PYHIN1: variants seen among roughly 807,000 people sequenced by gnomAD.
PYHIN1 encodes the protein pyrin and HIN domain family member 1, also known as pyrin and HIN domain-containing protein 1.
In PYHIN1, 32 loss-of-function variants were observed where a neutral mutation model predicts 43.7. The ratio of observed to expected loss-of-function variants is 0.73; its 90% confidence interval spans 0.55 to 0.98. PYHIN1 has a LOEUF of 0.98. PYHIN1 is among the 50% of genes least tolerant of loss of function. The pLI is 0.00. For synonymous variants in PYHIN1, 205 were observed against 203.1 expected, an observed-to-expected ratio of 1.01 and a Z score of -0.08; for missense variants, 588 against 589.5, an observed-to-expected ratio of 1.00 and a Z score of 0.03.
intron 7 of PYHIN1, among the ~76,000 whole-genome samples, chr1:158,950,498 G>T (rs111880457): frequency 1.3e-5 from 2 of 152,216 alleles, no homozygotes; most frequent in Admixed American, 1.3e-4. Context: ...AATCCAAAGA[G>T]GACCTGAGGG....
chr1:158,968,119 C>T (rs1462502079), intron 7 of PYHIN1, among the ~76,000 whole-genome samples: 1 of 151,886 alleles, frequency 6.6e-6, no homozygotes, highest in Non-Finnish European at 1.5e-5. Context: ...TAATGAACTT[C>T]TGCACAGCAA....
chr1:158,942,661 ACTAT>A (rs1300490961), intron 5 of PYHIN1, among the ~76,000 whole-genome samples: 4 of 152,218 alleles, frequency 2.6e-5, no homozygotes, highest in Admixed American at 1.3e-4. Context: ...ATCAGCTGTG[ACTAT>A]CTATTATGAG....
chr1:158,973,527 A>ACACG (rs1651060712), intron 7 of PYHIN1, 120 bp from the exon 8 acceptor site: 2 of 951,946 alleles, frequency 2.1e-6, no homozygotes, highest in Non-Finnish European at 3.2e-6. Context: ...ACACACACAC[A>ACACG]CACACACACA....
Position 158,942,303 on chromosome 1 carries a change from G to T in PYHIN1, c.906G>T (p.Lys302Asn). 6.2e-7 allele frequency: 1 copy of T among 1,613,870 alleles called. No individual in the cohort carries two copies. The highest frequency in any genetic ancestry group is 8.5e-7 in the Non-Finnish European group (1 of 1,179,910). Residue 302 changes from lysine (K) to asparagine (N), a missense_variant, in exon 5 of 9, where the codon AAG (lysine) becomes AAT (asparagine). Physicochemically the swap from Lys to Asn is moderately conservative, Grantham distance 94 (BLOSUM62 0). Coordinates refer to ENST00000368140, the MANE Select transcript of PYHIN1 (RefSeq NM_152501.5). Reference sequence around the variant, plus strand: ...CTGACCAAACGTTTGAGGTTCCAAAGGACATCATCAGAAGAGCAAAGAAAA... The same window carrying T: ...CTGACCAAACGTTTGAGGTTCCAAATGACATCATCAGAAGAGCAAAGAAAA... ...AGPDQTFEVP[K>N]DIIRRAKKIP... is the part of the protein sequence containing the mutation.
intron 7 of PYHIN1, among the ~76,000 whole-genome samples, chr1:158,953,503 C>T (rs1044715976): frequency 6.6e-6 from 1 of 150,716 alleles, no homozygotes; most frequent in African/African-American, 2.4e-5. Flanking sequence ...TGACACCTCA[C>T]ACGGCAGGGT....
chr1:158,970,952 T>C (rs1160168053), intron 7 of PYHIN1, among the ~76,000 whole-genome samples: 5 of 152,060 alleles, frequency 3.3e-5, no homozygotes, highest in East Asian at 3.8e-4. Flanking sequence ...TTAGTATTAG[T>C]TGAAAGATTC....
In PYHIN1 at chr1:158,944,887, A is replaced by C. The variant is rs1348934526; in HGVS notation, c.1204A>C (p.Thr402Pro). ...MHSFIQIQKN[T>P]NQRSHDSRSM... Reference sequence around the variant, plus strand: ...TGAATACTTTCAGATACAGAAAAATACAAACCAGAGAAGCCATGACTCCAG... The same window carrying C: ...TGAATACTTTCAGATACAGAAAAATCCAAACCAGAGAAGCCATGACTCCAG... The change falls in exon 7 of 9, where the codon ACA becomes CCA. Residue 402 changes from threonine (T) to proline (P), a missense_variant. By Grantham distance (38) the Thr-to-Pro change is conservative. Transcript: ENST00000368140. 6.3e-7 allele frequency: 1 copy of C among 1,577,322 alleles called. No individual in the cohort carries two copies. Among genetic ancestry groups the C allele is most frequent in the South Asian group, 1.2e-5 (1 of 84,194 alleles).
intron 1 of PYHIN1, among the ~76,000 whole-genome samples, chr1:158,935,479 A>G (rs1168430467): frequency 6.6e-6 from 1 of 152,210 alleles, no homozygotes; most frequent in African/African-American, 2.4e-5. Context: ...GCCTAAAAGA[A>G]AAATCAAGCA....
chr1:158,960,779 T>A (rs547875597), intron 7 of PYHIN1, among the ~76,000 whole-genome samples: 2 of 152,338 alleles, frequency 1.3e-5, no homozygotes, highest in Non-Finnish European at 2.9e-5. Context: ...AAAGAATTAC[T>A]CTGAGAAAAT....
chr1:158,934,554 G>T (rs761621167), intron 1 of PYHIN1, among the ~76,000 whole-genome samples: 1 of 151,546 alleles, frequency 6.6e-6, no homozygotes, highest in Admixed American at 6.6e-5. Flanking sequence ...ATGTTCTTCA[G>T]TTTCACTATA....
At chr1:158,936,851 G>T in intron 1 of PYHIN1, 40 bp from the exon 2 acceptor site, 1 of 1,359,446 alleles carries the variant, frequency 7.4e-7, no homozygotes, top group South Asian at 1.6e-5. Context: ...TAAATTCTCT[G>T]TATACATGTG....
downstream of PYHIN1, chr1:158,977,097 G>T (rs1208065646): frequency 6.5e-6 from 1 of 152,778 alleles, no homozygotes; most frequent in Non-Finnish European, 1.5e-5. Flanking sequence ...TGTGAGTTAT[G>T]TAAAAGCAAA....
At chr1:158,942,798 T>C (rs1256597284) in intron 5 of PYHIN1, among the ~76,000 whole-genome samples, 4 of 152,204 alleles carry the variant, frequency 2.6e-5, no homozygotes, top group African/African-American at 9.6e-5. Flanking sequence ...TACAGTATTG[T>C]TCTTTGAGGC....
the PYHIN1 span, among the ~76,000 whole-genome samples, chr1:158,984,059 G>A: frequency 1.7e-5 from 2 of 117,338 alleles, no homozygotes; most frequent in African/African-American, 6.7e-5. Context: ...TATTAATCTG[G>A]CTAGTGGTCT....
the PYHIN1 span, among the ~76,000 whole-genome samples, chr1:158,984,028 GTT>G: frequency 0.03 from 3,368 of 111,230 alleles, 46 homozygotes; most frequent in Middle Eastern, 0.097. Context: ...ATCTTCTCCT[GTT>G]TTTTTTTTTT....
intron 8 of PYHIN1, among the ~76,000 whole-genome samples, chr1:158,975,585 G>C (rs1772443): frequency 6.6e-6 from 1 of 151,868 alleles, no homozygotes; most frequent in Non-Finnish European, 1.5e-5. Flanking sequence ...GGTAAAGCTG[G>C]AAGTGAAAGT....
intron 7 of PYHIN1, among the ~76,000 whole-genome samples, chr1:158,952,932 C>A (rs1191851543): frequency 1.3e-5 from 2 of 152,196 alleles, no homozygotes; most frequent in African/African-American, 4.8e-5. Context: ...TGAGGCATTG[C>A]CTCACTTGGG....
At chr1:158,941,785 G>T (rs143078485) in intron 4 of PYHIN1, among the ~76,000 whole-genome samples, 192 bp from the exon 5 acceptor site, 47 of 152,004 alleles carry the variant, frequency 3.1e-4, no homozygotes, top group Admixed American at 3.1e-3. Context: ...CTTTTACTAT[G>T]TGGTCTCCTA....
At chr1:158,936,648 C>T (rs568006420) in intron 1 of PYHIN1, among the ~76,000 whole-genome samples, 10 of 152,198 alleles carry the variant, frequency 6.6e-5, no homozygotes, top group African/African-American at 1.2e-4. Context: ...ATTCAACAAC[C>T]CTTCATGCTA....
Sources: gnomAD v4.1 joint callset for allele counts (sites outside exome capture counted in the v4.1 genomes callset) on GRCh38, gnomAD v4.1.1 for gene constraint, MANE v1.5 for transcripts, NCBI Gene and HGNC (gene_info 2026-07-23, HGNC 2026-07-21) for gene names.